The following RASSF6 variants were observed in gnomAD, a reference collection of about 807,000 sequenced individuals.
The protein encoded by RASSF6 is ras association domain-containing protein 6.
Under a neutral mutation model 44.0 loss-of-function variants are expected in RASSF6, and 52 were observed. The ratio of observed to expected loss-of-function variants is 1.18; its 90% confidence interval spans 0.95 to 1.49. The LOEUF is 1.49. Ranked by LOEUF, RASSF6 falls within the 40% of genes most tolerant of loss-of-function variation. The pLI is 0.00. For missense variants in RASSF6, 464 were observed against 393.3 expected (o/e 1.18, Z -1.52); for synonymous variants, 162 against 124.6 (o/e 1.30, Z -2.00).
At chr4:73,582,066 T>C (rs926813242) in intron 7 of RASSF6, 123 bp downstream of exon 7, 10 of 655,408 alleles carry the variant, frequency 1.5e-5, no homozygotes, top group Non-Finnish European at 2.6e-5. Flanking sequence ...AAAGAATCTT[T>C]CAGTGCTCAA....
At position 73,585,375 on chromosome 4, in the gene RASSF6, T is replaced by G. The variant is rs12508661; in HGVS notation, c.383-11A>C. 0.22 allele frequency: 333,990 copies of G among 1,551,924 alleles called. 38,831 individuals carry two copies. The highest frequency in any genetic ancestry group is 0.31 in the Admixed American group (15,984 of 51,660). On this transcript the variant is annotated splice_polypyrimidine_tract_variant and intron_variant, in intron 5 of 10. Coordinates refer to ENST00000307439, the MANE Select transcript of RASSF6 (RefSeq NM_177532.5). ...GATAAGATAAATAGTCTGGGAAGAA[T>G]AGATTATAAGCTCATATCATTCAGC...
At chr4:73,599,965 C>T (rs936840177) in intron 2 of RASSF6, among the ~76,000 whole-genome samples, 1 of 152,102 alleles carries the variant, frequency 6.6e-6, no homozygotes, top group East Asian at 1.9e-4. Flanking sequence ...CATCTTGGGG[C>T]CTTTGCACTT....
chr4:73,602,753 C>T (rs1368412344), intron 2 of RASSF6, among the ~76,000 whole-genome samples: 1 of 152,096 alleles, frequency 6.6e-6, no homozygotes, highest in Non-Finnish European at 1.5e-5. Flanking sequence ...TCCAGTTTTC[C>T]AGTTTACAAG....
intron 2 of RASSF6, among the ~76,000 whole-genome samples, chr4:73,607,164 G>A (rs1725698621): frequency 6.6e-6 from 1 of 152,246 alleles, no homozygotes; most frequent in Non-Finnish European, 1.5e-5. Flanking sequence ...TATGTAGAAT[G>A]TATCTAATCA....
At chr4:73,606,529 G>C (rs1335598392) in intron 2 of RASSF6, among the ~76,000 whole-genome samples, 8 of 152,134 alleles carry the variant, frequency 5.3e-5, no homozygotes. Flanking sequence ...GCAAAATAGA[G>C]ACAAGGGAAT....
Position 73,576,409 on chromosome 4 carries a change from C to T in RASSF6, c.938+1G>A, listed in dbSNP as rs1398880069. 40 of 1,549,060 alleles carry T rather than the reference C, an allele frequency of 2.6e-5. No individual in the cohort carries two copies. Among genetic ancestry groups the T allele is most frequent in the Non-Finnish European group, 3.2e-5 (36 of 1,133,072 alleles). ...ATCCAATGTGCATGCTCTTGACTTA[C>T]TTTGTTACTATTCTTTGAATCTCTC... On this transcript the variant is annotated splice_donor_variant, in intron 10 of 10. Transcript: ENST00000307439. LOFTEE classifies it high-confidence loss of function.
chr4:73,590,331 T>A (rs935528930), intron 4 of RASSF6, among the ~76,000 whole-genome samples: 3 of 152,206 alleles, frequency 2.0e-5, no homozygotes, highest in African/African-American at 7.2e-5. Flanking sequence ...ATTATAGCCC[T>A]TCCTGCAGCT....
rs1400059675 is a variant in RASSF6, at chr4:73,582,226, G to A, written c.632C>T (p.Thr211Ile). 3.1e-6 allele frequency: 5 copies of A among 1,595,022 alleles called. No individual in the cohort carries two copies. The highest frequency in any genetic ancestry group is 4.3e-6 in the Non-Finnish European group (5 of 1,167,736). ...TKVRVNSNMR[T>I]EEVIKQLLQK... ...GAGAAGTTGCTTTATTACTTCTTCA[G>A]TTCTCATGTTACTGTTTACTCTGAC... Residue 211 changes from threonine to isoleucine, a missense_variant, in exon 7 of 11, where the codon ACT becomes ATT. Coordinates refer to ENST00000307439, the MANE Select transcript of RASSF6 (RefSeq NM_177532.5).
At chr4:73,604,020 T>G (rs886930901) in intron 2 of RASSF6, 2 of 152,186 alleles carry the variant, frequency 1.3e-5, no homozygotes, top group Non-Finnish European at 2.9e-5. Context: ...CTACACAAAC[T>G]TGAAAGACTT....
At chr4:73,616,540 T>A (rs1288531449) in intron 1 of RASSF6, among the ~76,000 whole-genome samples, 1 of 152,062 alleles carries the variant, frequency 6.6e-6, no homozygotes, top group African/African-American at 2.4e-5. Flanking sequence ...TACAGAGAGG[T>A]ATATTATAAT....
chr4:73,587,820 A>C lies in RASSF6; in HGVS notation c.382+20T>G, dbSNP rs1247660. 3,009 of 1,512,066 alleles carry C rather than the reference A, an allele frequency of 2.0e-3. 55 individuals are homozygous for C. In the African/African-American group the frequency reaches 0.036, roughly 18 times the overall value. The allele number at this position is 1,512,066 out of a possible 1,614,324, so 93.7% of individuals were successfully genotyped here. A position where few individuals can be genotyped will look rare whatever the true frequency, so the allele number is the denominator to read the frequency against. ...TAATTAAAAATTAAGTCTCCCAATC[A>C]ATAAGATTTTGATACTGACCTTCCT... On this transcript the variant is annotated intron_variant, in intron 5 of 10. Transcript: ENST00000307439.
intron 2 of RASSF6, among the ~76,000 whole-genome samples, chr4:73,599,744 T>C (rs1457389208): frequency 6.6e-6 from 1 of 152,248 alleles, no homozygotes; most frequent in Admixed American, 6.5e-5. Context: ...GAAACTGTTT[T>C]AATGCAAACC....
At chr4:73,580,611 C>A (rs1296521888) in intron 8 of RASSF6, among the ~76,000 whole-genome samples, 2 of 148,842 alleles carry the variant, frequency 1.3e-5, no homozygotes, top group Non-Finnish European at 3.0e-5. Flanking sequence ...ATTTGCATTT[C>A]TCTGATGGCC....
intron 2 of RASSF6, among the ~76,000 whole-genome samples, chr4:73,601,069 A>G (rs1471369338): frequency 6.6e-6 from 1 of 152,222 alleles, no homozygotes; most frequent in African/African-American, 2.4e-5. Flanking sequence ...ACATAATCTT[A>G]TTCCCTCAGC....
At position 73,576,605 on chromosome 4, in the gene RASSF6, A is replaced by G. The variant is rs1294319991; in HGVS notation, c.840+8T>C. On this transcript the variant is annotated splice_region_variant and intron_variant, in intron 9 of 10. Coordinates refer to ENST00000307439, the MANE Select transcript of RASSF6 (RefSeq NM_177532.5). ...CAAAAAACAGATTCAGGGTGATGGT[A>G]TTCATACATCACTGCTAATTTCTTC... 6.3e-7 allele frequency: 1 copy of G among 1,578,432 alleles called. No individual in the cohort carries two copies.
intron 2 of RASSF6, chr4:73,604,474 A>AAAAACAAAACAAAAC (rs370090909): frequency 6.6e-6 from 1 of 152,128 alleles, no homozygotes; most frequent in African/African-American, 2.4e-5. Flanking sequence ...TCTGTCTCAA[A>AAAAACAAAACAAAAC]AAAACAAAAC....
Position 73,574,972 on chromosome 4 carries a change from C to T in RASSF6, c.*1263G>A, listed in dbSNP as rs546543245. 3.9e-5 allele frequency: 6 copies of T among 152,150 alleles called. No homozygotes were observed. Among genetic ancestry groups the T allele is most frequent in the Non-Finnish European group, 4.4e-5 (3 of 68,020 alleles). The allele number at this position is 152,150 out of a possible 1,614,324, so 9.4% of individuals were successfully genotyped here. On this transcript the variant is annotated 3_prime_UTR_variant, in exon 11 of 11. Coordinates refer to ENST00000307439, the MANE Select transcript of RASSF6 (RefSeq NM_177532.5). The stretch of plus-strand genomic sequence containing the variant: ...GGTGAAAGAATAGCGATGCAAGCCT[C>T]TGGTTTACTCAGTAAGAGAGACTTC...
chr4:73,590,739 T>C (rs1724484149), intron 4 of RASSF6, among the ~76,000 whole-genome samples: 1 of 152,236 alleles, frequency 6.6e-6, no homozygotes, highest in African/African-American at 2.4e-5. Flanking sequence ...CTTGTTTGCG[T>C]GTGGTTCTGT....
chr4:73,577,669 A>G (rs1723325272), intron 8 of RASSF6, among the ~76,000 whole-genome samples: 1 of 152,154 alleles, frequency 6.6e-6, no homozygotes, highest in South Asian at 2.1e-4. Flanking sequence ...CCATTTCTGA[A>G]GCAGTTGGGA....
Sources: allele counts gnomAD v4.1 joint callset (sites outside exome capture counted in the v4.1 genomes callset), GRCh38; gene constraint gnomAD v4.1.1; transcripts MANE v1.5; gene names NCBI Gene and HGNC (gene_info 2026-07-23, HGNC 2026-07-21).